The following ZBTB40 variants were observed in gnomAD, a reference collection of about 807,000 sequenced individuals.
ZBTB40 encodes zinc finger and BTB domain-containing protein 40.
Under a neutral mutation model 117.5 loss-of-function variants are expected in ZBTB40, and 60 were observed. That is an observed-to-expected ratio of 0.51 (90% CI 0.41 to 0.63). ZBTB40 has a LOEUF of 0.63. Among genes scored for constraint, ZBTB40 ranks in the 30% least tolerant of loss-of-function variants. The pLI, the probability that ZBTB40 is intolerant of heterozygous loss-of-function variation, is 0.00. For missense variants in ZBTB40, 1,287 were observed against 1,498.5 expected, an observed-to-expected ratio of 0.86 and a Z score of 2.33; for synonymous variants, 525 against 577.1, an observed-to-expected ratio of 0.91 and a Z score of 1.29.
chr1:22,431,275 A>G (rs1430623872), intron 1 of ZBTB40, among the ~76,000 whole-genome samples: 2 of 147,314 alleles, frequency 1.4e-5, no homozygotes, highest in African/African-American at 2.5e-5. Context: ...TTGAATATAT[A>G]CAATATTGTA....
Position 22,509,204 on chromosome 1 carries a change from G to A in ZBTB40, c.1804G>A (p.Glu602Lys), listed in dbSNP as rs150068799. The change falls in exon 9 of 18, where the codon GAG becomes AAG. Residue 602 changes from glutamate to lysine, a missense_variant. By Grantham distance (56) the Glu-to-Lys change is moderately conservative. Around this residue, in one of 2 missense-constraint regions of ZBTB40, gnomAD observed 870 missense variants for 934.4 expected, o/e 0.93. Transcript: ENST00000375647. Reference sequence around the variant, plus strand: ...TGAGTACAAGCTCTTTACCTCGGAGGAGGAGCACCTGGCAGAGACTGTGAA... The same window carrying A: ...TGAGTACAAGCTCTTTACCTCGGAGAAGGAGCACCTGGCAGAGACTGTGAA... ...KIEYKLFTSE[E>K]EHLAETVKEI... The A allele has an allele frequency of 4.3e-5, 69 of 1,614,090 alleles. No homozygotes were observed. The highest frequency in any genetic ancestry group is 5.8e-5 in the Non-Finnish European group (68 of 1,180,042).
At chr1:22,437,424 CTTTT>C (rs755956667) in intron 1 of ZBTB40, among the ~76,000 whole-genome samples, 1 of 141,304 alleles carries the variant, frequency 7.1e-6, no homozygotes. Flanking sequence ...AACTTATCAT[CTTTT>C]TTTTTTTTTT....
rs113797274 is a variant in ZBTB40 at position 22,502,023 on chromosome 1, G to A, written c.1025-276G>A. 9.1e-4 allele frequency among the ~76,000 whole-genome samples: 138 copies of A among 152,310 alleles called. 1 individual carries two copies. The highest frequency in any genetic ancestry group is 3.2e-3 in the African/African-American group (133 of 41,556). On this transcript the variant is annotated intron_variant, in intron 4 of 17. Transcript: ENST00000375647. ...TAAGGCTGAAGTTTCTCTCATTTGG[G>A]TTAGGTACAAAGCAGTGGCCTTGCC...
chr1:22,478,938 A>G (rs551798186), intron 1 of ZBTB40, among the ~76,000 whole-genome samples: 3 of 152,300 alleles, frequency 2.0e-5, no homozygotes, highest in African/African-American at 7.2e-5. Flanking sequence ...GTCTCTTTAC[A>G]TGTAATGTTT....
intron 3 of ZBTB40, among the ~76,000 whole-genome samples, chr1:22,500,327 G>T (rs1355197113): frequency 6.6e-6 from 1 of 152,190 alleles, no homozygotes; most frequent in Non-Finnish European, 1.5e-5. Flanking sequence ...ACCTCTGGAG[G>T]ACAAGGTGTG....
intron 1 of ZBTB40, among the ~76,000 whole-genome samples, chr1:22,441,991 AT>A (rs1161422948): frequency 6.6e-6 from 1 of 152,050 alleles, no homozygotes; most frequent in African/African-American, 2.4e-5. Flanking sequence ...TTCTCTAAGT[AT>A]TTTTTAATTT....
In ZBTB40 at chr1:22,512,043, T is replaced by C. The variant is rs1247260313; in HGVS notation, c.2370T>C (p.Gly790=). ...ELDKHQLEAH[G]AGGEPDAPKK... ...ACAAACATCAGCTGGAGGCCCATGG[T>C]GCAGGTGGAGAGCCCGATGCCCCCA... is the stretch of plus-strand genomic sequence containing the variant. Residue 790 remains glycine, a synonymous_variant, in exon 11 of 18, where the codon GGT becomes GGC. Coordinates refer to ENST00000375647, the MANE Select transcript of ZBTB40 (RefSeq NM_014870.4). The C allele has an allele frequency of 1.4e-5, 22 of 1,613,960 alleles. No homozygotes were observed. Among genetic ancestry groups the C allele is most frequent in the Non-Finnish European group, 1.9e-5 (22 of 1,180,044 alleles).
At chr1:22,524,478 T>C (rs772051313) in intron 17 of ZBTB40, 34 bp downstream of exon 17, 1 of 1,603,236 alleles carries the variant, frequency 6.2e-7, no homozygotes, top group Admixed American at 1.7e-5. Flanking sequence ...ATTAGAATGC[T>C]AATGCATGGT....
intron 12 of ZBTB40, 43 bp from the exon 13 acceptor site, chr1:22,517,257 A>G: frequency 6.2e-7 from 1 of 1,611,966 alleles, no homozygotes. Context: ...GCAATGCCAT[A>G]AATTTTTAGT....
chr1:22,493,048 T>C (rs1247381817), intron 3 of ZBTB40, among the ~76,000 whole-genome samples: 1 of 152,238 alleles, frequency 6.6e-6, no homozygotes, highest in Non-Finnish European at 1.5e-5. Context: ...TTAGTTGAAC[T>C]GTGTCTTATG....
chr1:22,486,721 T>G (rs967884974), intron 1 of ZBTB40, among the ~76,000 whole-genome samples: 1 of 14,380 alleles, frequency 7.0e-5, no homozygotes, highest in Admixed American at 1.3e-3. Flanking sequence ...ACATTTTTTT[T>G]GTTTTGTTTT....
chr1:22,511,282 T>C lies in ZBTB40; in HGVS notation c.1937T>C (p.Leu646Pro). Residue 646 changes from leucine (L) to proline (P), a missense_variant, in exon 10 of 18, where the codon CTC becomes CCC. Transcript: ENST00000375647. ...GTCCCGGCCATTGAAATATGCCACC[T>C]CCTGTGCAGTGTCCACAAATCTTTT... is the stretch of plus-strand genomic sequence containing the variant. The part of the protein sequence containing the change: ...KSVPAIEICH[L>P]LCSVHKSFPG... 6.2e-7 allele frequency: 1 copy of C among 1,614,070 alleles called. No homozygotes were observed. Among genetic ancestry groups the C allele is most frequent in the Non-Finnish European group, 8.5e-7 (1 of 1,180,028 alleles).
intron 1 of ZBTB40, among the ~76,000 whole-genome samples, chr1:22,478,939 T>A (rs994880795): frequency 5.3e-5 from 8 of 152,228 alleles, no homozygotes; most frequent in Admixed American, 3.3e-4. Flanking sequence ...TCTCTTTACA[T>A]GTAATGTTTT....
chr1:22,517,532 G>A lies in ZBTB40; in HGVS notation c.2833+68G>A. ...GCACTGGGAAAGCGTGTCAATTGCA[G>A]CAGAGGTGTCAATCCATCAGACCCA... is the stretch of plus-strand genomic sequence containing the variant. On this transcript the variant is annotated intron_variant, in intron 13 of 17. Transcript: ENST00000375647. 4 of 1,559,668 alleles carry A rather than the reference G, an allele frequency of 2.6e-6. No homozygotes were observed. In the East Asian group the frequency reaches 9.0e-5, roughly 35 times the overall value.
chr1:22,472,856 G>A (rs1049684236), intron 1 of ZBTB40, among the ~76,000 whole-genome samples: 23 of 152,276 alleles, frequency 1.5e-4, no homozygotes, highest in African/African-American at 5.5e-4. Context: ...CTAAAGCCTG[G>A]GGCCCTAGAA....
Position 22,479,661 on chromosome 1 carries a change from T to C in ZBTB40, c.-69-10219T>C, listed in dbSNP as rs186656490. ...TTTAATTCTAGAAAATTCCTAGATA[T>C]GTCTTCAAATTGCTTCTCCCACATG... On this transcript the variant is annotated intron_variant, in intron 1 of 17. Transcript: ENST00000375647. Among the ~76,000 whole-genome samples the C allele has an allele frequency of 2.6e-5, 4 of 152,350 alleles. No homozygotes were observed. The East Asian group carries it at 7.7e-4, about 29-fold the overall frequency.
At chr1:22,477,055 T>C (rs1015902445) in intron 1 of ZBTB40, among the ~76,000 whole-genome samples, 2 of 152,224 alleles carry the variant, frequency 1.3e-5, no homozygotes, top group Admixed American at 6.5e-5. Context: ...TACATTTCAG[T>C]TGGGACATGA....
Position 22,495,673 on chromosome 1 carries a change from G to A in ZBTB40, c.831+4140G>A, listed in dbSNP as rs545385080. Among the ~76,000 whole-genome samples, 16 of 152,110 alleles carry A rather than the reference G, an allele frequency of 1.1e-4. No individual in the cohort carries two copies. The South Asian group carries it at 3.1e-3, about 30-fold the overall frequency. On this transcript the variant is annotated intron_variant, in intron 3 of 17. Coordinates refer to ENST00000375647, the MANE Select transcript of ZBTB40 (RefSeq NM_014870.4). ...ACTACAGGCACGCACACCCATGCCTGGCTAATTTTTGTATTTTTAGTAGAG... is the reference window on the plus strand; with the variant it reads ...ACTACAGGCACGCACACCCATGCCTAGCTAATTTTTGTATTTTTAGTAGAG...
chr1:22,514,174 T>G (rs968130390), intron 12 of ZBTB40, among the ~76,000 whole-genome samples: 1 of 152,192 alleles, frequency 6.6e-6, no homozygotes, highest in Non-Finnish European at 1.5e-5. Flanking sequence ...GGAGGTACAT[T>G]GTCAGGGAAG....
Sources: gnomAD v4.1 joint callset for allele counts (sites outside exome capture counted in the v4.1 genomes callset) on GRCh38, gnomAD v4.1.1 for gene constraint, gnomAD v4.1.1 regional missense constraint, MANE v1.5 for transcripts, NCBI Gene and HGNC (gene_info 2026-07-23, HGNC 2026-07-21) for gene names.